Variants in OR5D3 observed in about 807,000 individuals in gnomAD.
OR5D3 encodes olfactory receptor 5D3.
At chr11:55,728,166 T>C in the OR5D3 span, 1 of 152,016 alleles carries the variant, frequency 6.6e-6, no homozygotes, top group African/African-American at 2.4e-5. Context: ...ATAGTCTTTG[T>C]TGAAAGCAGA....
At chr11:55,728,893 A>C in the OR5D3 span, 1 of 151,976 alleles carries the variant, frequency 6.6e-6, no homozygotes, top group Non-Finnish European at 1.5e-5. Context: ...GTGTGTGCAT[A>C]TGTGTATAGT....
chr11:55,726,371 C>T, the OR5D3 span: 3 of 471,410 alleles, frequency 6.4e-6, no homozygotes, highest in Admixed American at 6.4e-5. Context: ...AGGATCAACC[C>T]CAAACTCCAC....
the OR5D3 span, chr11:55,726,775 T>A: frequency 2.5e-6 from 1 of 398,920 alleles, no homozygotes; most frequent in Admixed American, 4.4e-5. Context: ...TGTTGCTGTG[T>A]CCTGCTCTGA....
chr11:55,725,885 G>T, the OR5D3 span, among the ~76,000 whole-genome samples: 1 of 151,882 alleles, frequency 6.6e-6, no homozygotes, highest in Non-Finnish European at 1.5e-5. Context: ...AGAAATATTT[G>T]CACTTATCTC....
the OR5D3 span, chr11:55,729,391 G>A: frequency 5.9e-5 from 9 of 151,750 alleles, no homozygotes; most frequent in Non-Finnish European, 5.9e-5. Flanking sequence ...TCCCATGGAG[G>A]GCTGTGGCAG....
At chr11:55,724,205 CT>C in the OR5D3 span, among the ~76,000 whole-genome samples, 1 of 151,716 alleles carries the variant, frequency 6.6e-6, no homozygotes, top group East Asian at 1.9e-4. Flanking sequence ...TTGTTATATC[CT>C]GATTCCTTCT....
the OR5D3 span, chr11:55,728,228 G>A: frequency 6.8e-6 from 1 of 146,688 alleles, no homozygotes; most frequent in Non-Finnish European, 1.5e-5. Context: ...TCCTGTTTGG[G>A]TCTCACCTGT....
the OR5D3 span, chr11:55,726,242 T>C: frequency 5.0e-6 from 2 of 401,454 alleles, no homozygotes; most frequent in Non-Finnish European, 8.8e-6. Flanking sequence ...ACTGCTGGAG[T>C]CACCTTCATC....
the OR5D3 span, chr11:55,723,880 G>T: frequency 2.6e-6 from 1 of 379,158 alleles, no homozygotes; most frequent in East Asian, 3.7e-5. Flanking sequence ...TTCTTAATAG[G>T]TTGGGTAAAA....
chr11:55,729,557 G>A, the OR5D3 span: 1 of 151,978 alleles, frequency 6.6e-6, no homozygotes, highest in African/African-American at 2.4e-5. Flanking sequence ...ATCAAAGATT[G>A]TATTAGTGTT....
At chr11:55,729,102 C>T in the OR5D3 span, 4 of 151,948 alleles carry the variant, frequency 2.6e-5, no homozygotes, top group African/African-American at 9.7e-5. Context: ...AGAATAGTTG[C>T]TAATCCCTTT....
At chr11:55,729,376 T>C in the OR5D3 span, 1 of 151,952 alleles carries the variant, frequency 6.6e-6, no homozygotes, top group Non-Finnish European at 1.5e-5. Flanking sequence ...TAAATGTGAC[T>C]TTTTTCCCAT....
the OR5D3 span, chr11:55,726,085 G>A: frequency 2.5e-6 from 1 of 396,268 alleles, no homozygotes; most frequent in African/African-American, 2.1e-5. Flanking sequence ...TTTGACAGTG[G>A]AAACCTAGAA....
the OR5D3 span, chr11:55,726,898 C>G: frequency 2.3e-5 from 9 of 399,090 alleles, no homozygotes; most frequent in Non-Finnish European, 3.5e-5. Context: ...CATGAAGATG[C>G]CTTCCACTGG....
chr11:55,727,134 C>CA, the OR5D3 span: 2 of 398,900 alleles, frequency 5.0e-6, no homozygotes, highest in Non-Finnish European at 8.8e-6. Context: ...TAGTCATTAC[C>CA]AAATTATTAT....
the OR5D3 span, chr11:55,727,123 T>C: frequency 2.5e-6 from 1 of 399,640 alleles, no homozygotes; most frequent in Non-Finnish European, 4.4e-6. Context: ...AGTCAGGAAG[T>C]TAGTCATTAC....
At chr11:55,725,743 T>C in the OR5D3 span, among the ~76,000 whole-genome samples, 34,138 of 151,960 alleles carry the variant, frequency 0.22, 4,897 homozygotes, top group East Asian at 0.36. Flanking sequence ...AAACCACCAA[T>C]AAACTGTTAA....
At chr11:55,728,583 G>C in the OR5D3 span, 2 of 152,136 alleles carry the variant, frequency 1.3e-5, no homozygotes, top group Admixed American at 1.3e-4. Flanking sequence ...TCATGATTAA[G>C]GCTTACAAGC....
chr11:55,728,597 G>C, the OR5D3 span: 27 of 152,174 alleles, frequency 1.8e-4, no homozygotes, highest in African/African-American at 6.3e-4. Context: ...TACAAGCACA[G>C]AATATGAAGT....
Sources: allele counts gnomAD v4.1 joint callset (sites outside exome capture counted in the v4.1 genomes callset), GRCh38; gene constraint gnomAD v4.1.1; transcripts MANE v1.5; gene names NCBI Gene and HGNC (gene_info 2026-07-23, HGNC 2026-07-21).